The following TRIML2 variants were observed in gnomAD, a reference collection of about 807,000 sequenced individuals.
TRIML2 encodes probable E3 ubiquitin-protein ligase TRIML2.
A neutral mutation model predicts 31.2 loss-of-function variants in TRIML2; 28 were observed. The ratio of observed to expected loss-of-function variants is 0.90; its 90% CI spans 0.66 to 1.23. The LOEUF is 1.23. TRIML2 is among the 50% of genes most tolerant of loss of function. The pLI is 0.00. For synonymous variants in TRIML2, 187 were observed against 197.5 expected (o/e 0.95, Z 0.45); for missense variants, 536 against 528.3 (o/e 1.01, Z -0.14).
chr4:188,096,101 C>G (rs1733495839), intron 7 of TRIML2, among the ~76,000 whole-genome samples: 1 of 152,194 alleles, frequency 6.6e-6, no homozygotes, highest in African/African-American at 2.4e-5. Flanking sequence ...GGCTGGGGAA[C>G]TGGTAAAGAA....
intron 5 of TRIML2, chr4:188,098,238 C>A (rs1733614235): frequency 2.2e-6 from 1 of 455,076 alleles, no homozygotes; most frequent in Admixed American, 2.4e-5. Flanking sequence ...AGCAGAAATT[C>A]ATTTCTCGCA....
Position 188,091,695 on chromosome 4 carries a change from G to A in TRIML2, c.992C>T (p.Thr331Met), listed in dbSNP as rs145561633. 174 of 1,613,196 alleles carry A rather than the reference G, an allele frequency of 1.1e-4. No individual in the cohort carries two copies. Among genetic ancestry groups the A allele is most frequent in the African/African-American group, 2.7e-4 (20 of 75,018 alleles). Residue 331 changes from threonine (T) to methionine (M), a missense_variant, in exon 8 of 8, where the codon ACG (threonine) becomes ATG (methionine). Physicochemically the swap from Thr to Met is moderately conservative, Grantham distance 81 (BLOSUM62 -1). Coordinates refer to ENST00000682553, the MANE Select transcript of TRIML2 (RefSeq NM_173553.4). ...GACTTTCTCTCCGGAAGCTCTGGCCGTGCTGCCCTTCGCGTCTGCAGAGCC... is the reference window on the plus strand; with the variant it reads ...GACTTTCTCTCCGGAAGCTCTGGCCATGCTGCCCTTCGCGTCTGCAGAGCC... ...YHGSADAKGS[T>M]ARASGEKVLL...
rs568683491 is a variant in TRIML2 at position 188,102,666 on chromosome 4, T to C, written c.286-1416A>G. Among the ~76,000 whole-genome samples the C allele has an allele frequency of 7.4e-4, 113 of 151,880 alleles. No individual in the cohort carries two copies. In the South Asian group the frequency reaches 0.023, roughly 30 times the overall value. ...CAGTTCGAGACCAGCCTGACCAACA[T>C]GGTGAAACCCCGTCTCTACTAAAAA... On this transcript the variant is annotated intron_variant, in intron 3 of 7. Transcript: ENST00000682553.
chr4:188,097,437 C>T (rs766227867), intron 5 of TRIML2, 91 bp from the exon 6 acceptor site: 32 of 1,183,346 alleles, frequency 2.7e-5, no homozygotes, highest in Admixed American at 5.8e-5. Context: ...ACAATGAACT[C>T]AATTTCCATG....
At chr4:188,107,482 T>C (rs1734086726) in intron 1 of TRIML2, among the ~76,000 whole-genome samples, 2 of 152,204 alleles carry the variant, frequency 1.3e-5, no homozygotes, top group African/African-American at 4.8e-5. Context: ...AAAGGCATAT[T>C]CCCCACAAAT....
Position 188,101,250 on chromosome 4 carries a change from C to T in TRIML2, c.286G>A (p.Glu96Lys). 6.2e-7 allele frequency: 1 copy of T among 1,607,614 alleles called. No individual in the cohort carries two copies. The highest frequency in any genetic ancestry group is 8.5e-7 in the Non-Finnish European group (1 of 1,177,340). The change falls in exon 4 of 8, where the codon GAA (glutamate) becomes AAA (lysine). Residue 96 changes from glutamate (E) to lysine (K), a missense_variant and splice_region_variant. By Grantham distance (56) the Glu-to-Lys change is moderately conservative (BLOSUM62 1). Coordinates refer to ENST00000682553, the MANE Select transcript of TRIML2 (RefSeq NM_173553.4). Reference protein sequence around the residue: ...DEQERMAMIQEEEQNFKKMIE... With the variant: ...DEQERMAMIQKEEQNFKKMIE... ...ATCTTTTTAAAATTTTGTTCCTCTT[C>T]CTTCCTCATATAGACATGATAGACT... is the stretch of plus-strand genomic sequence containing the variant.
chr4:188,099,161 C>G lies in TRIML2; in HGVS notation c.495G>C (p.Val165=), dbSNP rs369655728. Residue 165 remains valine (V), a synonymous_variant, in exon 5 of 8, where the codon GTG becomes GTC. Coordinates refer to ENST00000682553, the MANE Select transcript of TRIML2 (RefSeq NM_173553.4). ...FQEMLQRLGR[V]GRENMEKLKE... ...TCAGTTTCTCCATGTTCTCTCTCCC[C>G]ACACGGCCCAGTCTCTGCAGAAGCA... 5 of 1,610,900 alleles carry G rather than the reference C, an allele frequency of 3.1e-6. No individual in the cohort carries two copies. The highest frequency in any genetic ancestry group is 2.2e-5 in the East Asian group (1 of 44,818).
At chr4:188,107,294 G>A (rs6553151) in intron 1 of TRIML2, among the ~76,000 whole-genome samples, 74,164 of 152,042 alleles carry the variant, frequency 0.49, 18,858 homozygotes, top group South Asian at 0.6. Flanking sequence ...TTACAGGTGT[G>A]ACCCACCGTG....
At chr4:188,107,109 G>T (rs1734075184) in intron 1 of TRIML2, among the ~76,000 whole-genome samples, 1 of 116,382 alleles carries the variant, frequency 8.6e-6, no homozygotes, top group Non-Finnish European at 2.0e-5. Flanking sequence ...CCGCCTCCCG[G>T]GTTCAACCGA....
chr4:188,106,781 C>T (rs373064151), intron 1 of TRIML2: 121 of 224,704 alleles, frequency 5.4e-4, no homozygotes, highest in African/African-American at 2.7e-3. Context: ...CCCCGGCCCG[C>T]GCTGGGAAAG....
intron 5 of TRIML2, chr4:188,098,682 T>G (rs1329811281): frequency 4.7e-6 from 1 of 211,858 alleles, no homozygotes; most frequent in Admixed American, 5.3e-5. Flanking sequence ...TCTTTCTTTT[T>G]CACTTAATGA....
At chr4:188,102,514 A>C (rs535763695) in intron 3 of TRIML2, among the ~76,000 whole-genome samples, 22 of 152,252 alleles carry the variant, frequency 1.4e-4, no homozygotes, top group African/African-American at 5.3e-4. Context: ...TATATTTGAA[A>C]GTAGTCATCT....
chr4:188,101,332 T>G, intron 3 of TRIML2, 82 bp from the exon 4 acceptor site: 2 of 682,092 alleles, frequency 2.9e-6, no homozygotes, highest in Non-Finnish European at 4.7e-6. Context: ...GATAGATATC[T>G]ATATCTATAT....
chr4:188,094,552 C>A (rs1459877139), intron 7 of TRIML2, among the ~76,000 whole-genome samples: 1 of 152,056 alleles, frequency 6.6e-6, no homozygotes, highest in African/African-American at 2.4e-5. Context: ...CTGTAAAAAA[C>A]ATAAAATACT....
intron 3 of TRIML2, among the ~76,000 whole-genome samples, chr4:188,101,989 G>C (rs1733813749): frequency 1.3e-5 from 2 of 151,592 alleles, no homozygotes; most frequent in South Asian, 4.2e-4. Flanking sequence ...AATTAGCCGG[G>C]CTTGGTGGCG....
At position 188,099,194 on chromosome 4, in the gene TRIML2, G is replaced by C. The variant is rs902910; in HGVS notation, c.481-19C>G. 6.4e-7 allele frequency: 1 copy of C among 1,574,186 alleles called. No individual in the cohort carries two copies. The highest frequency in any genetic ancestry group is 1.2e-5 in the South Asian group (1 of 85,216). On this transcript the variant is annotated intron_variant, in intron 4 of 7. Transcript: ENST00000682553. Reference sequence around the variant, plus strand: ...CCAGTCTCTGCAGAAGCATTTCTTCGTTACTATTCAACAACCTCAAGTTCA... The same window carrying C: ...CCAGTCTCTGCAGAAGCATTTCTTCCTTACTATTCAACAACCTCAAGTTCA...
At chr4:188,104,601 G>C (rs1733943930) in intron 3 of TRIML2, among the ~76,000 whole-genome samples, 1 of 152,078 alleles carries the variant, frequency 6.6e-6, no homozygotes, top group Non-Finnish European at 1.5e-5. Flanking sequence ...GACCTCAAGT[G>C]ATCCGCCCTC....
At chr4:188,100,924 T>A (rs1370378022) in intron 4 of TRIML2, 132 bp downstream of exon 4, 1 of 728,806 alleles carries the variant, frequency 1.4e-6, no homozygotes, top group Non-Finnish European at 2.2e-6. Flanking sequence ...GAAATGGAGT[T>A]GCCAGGTAGG....
intron 7 of TRIML2, among the ~76,000 whole-genome samples, chr4:188,094,313 C>A (rs1052357541): frequency 2.6e-5 from 4 of 152,134 alleles, no homozygotes; most frequent in African/African-American, 9.7e-5. Context: ...GGCTTACAGA[C>A]TGGAAAGGCA....
Sources: allele counts gnomAD v4.1 joint callset (sites outside exome capture counted in the v4.1 genomes callset), GRCh38; gene constraint gnomAD v4.1.1; transcripts MANE v1.5; gene names NCBI Gene and HGNC (gene_info 2026-07-23, HGNC 2026-07-21).